CNTN6: variants seen among roughly 807,000 people sequenced by gnomAD.
The protein encoded by CNTN6 is contactin-6.
A neutral mutation model predicts 122.8 loss-of-function variants in CNTN6; 137 were observed. The observed-to-expected ratio is 1.12, with a 90% CI of 0.97 to 1.29. CNTN6 has a LOEUF of 1.29. Ranked by LOEUF, CNTN6 falls within the 50% of genes most tolerant of loss-of-function variation. CNTN6 has a pLI of 0.00. For missense variants in CNTN6, 1,634 were observed against 1,223.4 expected, an observed-to-expected ratio of 1.34 and a Z score of -5.01; for synonymous variants, 570 against 426.0, an observed-to-expected ratio of 1.34 and a Z score of -4.16.
At chr3:1,196,795 A>G (rs960752798) in intron 2 of CNTN6, among the ~76,000 whole-genome samples, 7 of 152,204 alleles carry the variant, frequency 4.6e-5, no homozygotes, top group African/African-American at 1.4e-4. Context: ...GTATCAAGCA[A>G]TCACTAAATA....
At chr3:1,111,341 C>A (rs949202786) in intron 1 of CNTN6, among the ~76,000 whole-genome samples, 4 of 152,130 alleles carry the variant, frequency 2.6e-5, no homozygotes, top group Non-Finnish European at 4.4e-5. Flanking sequence ...CAGGCACTTT[C>A]TTTAGTACTT....
chr3:1,366,691 G>T (rs1708271310), intron 12 of CNTN6, among the ~76,000 whole-genome samples: 1 of 152,064 alleles, frequency 6.6e-6, no homozygotes, highest in Admixed American at 6.6e-5. Flanking sequence ...GCTGCACATG[G>T]CTGTAGAATG....
intron 5 of CNTN6, among the ~76,000 whole-genome samples, chr3:1,290,401 G>C (rs1695134462): frequency 6.6e-6 from 1 of 152,218 alleles, no homozygotes; most frequent in Admixed American, 6.5e-5. Flanking sequence ...TTGGTTACTT[G>C]TGGAGCTTGG....
chr3:1,237,061 A>G (rs2094431753), intron 4 of CNTN6, among the ~76,000 whole-genome samples: 1 of 152,096 alleles, frequency 6.6e-6, no homozygotes, highest in Non-Finnish European at 1.5e-5. Flanking sequence ...AGCCTGGGCA[A>G]CAGTGCGAGA....
chr3:1,402,554 A>T (rs1695860105), intron 22 of CNTN6, 68 bp downstream of exon 22: 2 of 1,358,966 alleles, frequency 1.5e-6, no homozygotes, highest in Non-Finnish European at 2.0e-6. Flanking sequence ...ATTCAGCTCC[A>T]TGAAACCTTC....
intron 20 of CNTN6, among the ~76,000 whole-genome samples, chr3:1,390,755 C>T (rs1339251812): frequency 6.6e-6 from 1 of 151,662 alleles, no homozygotes; most frequent in African/African-American, 2.4e-5. Context: ...ATACAAACTA[C>T]CATCAGAGAA....
chr3:1,325,388 C>T (rs3821428), intron 8 of CNTN6, among the ~76,000 whole-genome samples: 52,286 of 151,670 alleles, frequency 0.34, 9,600 homozygotes, highest in East Asian at 0.7. Context: ...GTGTCTGAAA[C>T]AGATACAGAT....
Position 1,376,048 on chromosome 3 carries a change from A to G in CNTN6, c.2096-957A>G, listed in dbSNP as rs1268898391. Among the ~76,000 whole-genome samples the G allele has an allele frequency of 2.0e-5, 3 of 152,080 alleles. No individual in the cohort carries two copies. The East Asian group carries it at 5.8e-4, about 29-fold the overall frequency. On this transcript the variant is annotated intron_variant, in intron 16 of 22. Coordinates refer to ENST00000446702, the MANE Select transcript of CNTN6 (RefSeq NM_001289080.2). ...GCCTCCTCAACCAACCACCTCTCCT[A>G]TTGTTCAGACATGGTCCAGTATAGA...
chr3:1,385,039 T>TTGCAA (rs1007024341), intron 19 of CNTN6, among the ~76,000 whole-genome samples: 1 of 152,044 alleles, frequency 6.6e-6, no homozygotes, highest in Non-Finnish European at 1.5e-5. Context: ...TACCACTTCT[T>TTGCAA]TGCAATGCAT....
intron 2 of CNTN6, among the ~76,000 whole-genome samples, chr3:1,151,706 G>A (rs2092846819): frequency 6.6e-6 from 1 of 152,242 alleles, no homozygotes; most frequent in East Asian, 1.9e-4. Flanking sequence ...GTCTAAACAG[G>A]GAAACCAGCA....
chr3:1,248,348 C>G (rs530072361), intron 4 of CNTN6, among the ~76,000 whole-genome samples: 197 of 152,292 alleles, frequency 1.3e-3, no homozygotes, highest in Non-Finnish European at 2.4e-3. Context: ...ATCACATTCT[C>G]TGTGATGTAT....
At chr3:1,133,471 A>G (rs1370973364) in intron 1 of CNTN6, among the ~76,000 whole-genome samples, 1 of 152,160 alleles carries the variant, frequency 6.6e-6, no homozygotes, top group Non-Finnish European at 1.5e-5. Flanking sequence ...TATTAGCCCC[A>G]TTTTACTGAT....
intron 20 of CNTN6, among the ~76,000 whole-genome samples, chr3:1,392,350 C>T (rs1170472761): frequency 6.6e-6 from 1 of 152,124 alleles, no homozygotes; most frequent in Non-Finnish European, 1.5e-5. Context: ...ACTGGCTACC[C>T]ATATGTAGAA....
At chr3:1,202,340 A>C (rs1166808762) in intron 2 of CNTN6, among the ~76,000 whole-genome samples, 2 of 151,998 alleles carry the variant, frequency 1.3e-5, no homozygotes, top group Non-Finnish European at 2.9e-5. Context: ...GGATATCAAG[A>C]CCATCCTGGC....
intron 2 of CNTN6, among the ~76,000 whole-genome samples, chr3:1,155,988 T>C (rs1236822434): frequency 6.6e-6 from 1 of 152,246 alleles, no homozygotes; most frequent in African/African-American, 2.4e-5. Flanking sequence ...AACTGTCTAA[T>C]CAAGCATTCA....
chr3:1,339,768 A>C (rs1397231893), intron 11 of CNTN6, among the ~76,000 whole-genome samples: 1 of 152,138 alleles, frequency 6.6e-6, no homozygotes, highest in African/African-American at 2.4e-5. Context: ...AGTCCTCTAA[A>C]TGCAAGTAAA....
intron 1 of CNTN6, among the ~76,000 whole-genome samples, chr3:1,106,379 T>C (rs1031137264): frequency 3.9e-5 from 6 of 152,148 alleles, no homozygotes; most frequent in Admixed American, 3.9e-4. Flanking sequence ...TATTTGATGT[T>C]ATTTGACTTT....
intron 11 of CNTN6, among the ~76,000 whole-genome samples, chr3:1,346,759 C>T (rs943012540): frequency 1.3e-5 from 2 of 152,076 alleles, no homozygotes; most frequent in African/African-American, 4.8e-5. Context: ...AAATATTCCG[C>T]ATTAGTCTCG....
At chr3:1,243,128 G>A (rs1193181076) in intron 4 of CNTN6, among the ~76,000 whole-genome samples, 1 of 152,196 alleles carries the variant, frequency 6.6e-6, no homozygotes, top group Non-Finnish European at 1.5e-5. Context: ...TTGGGCCAGA[G>A]TTCCAGGGGC....
Sources: allele counts gnomAD v4.1 joint callset (sites outside exome capture counted in the v4.1 genomes callset), GRCh38; gene constraint gnomAD v4.1.1; transcripts MANE v1.5; gene names NCBI Gene and HGNC (gene_info 2026-07-23, HGNC 2026-07-21).